The following MECOM variants were observed in gnomAD, a reference collection of about 807,000 sequenced individuals.
MECOM encodes the protein histone-lysine N-methyltransferase MECOM.
In MECOM, 13 loss-of-function variants were observed where a neutral mutation model predicts 116.3. The observed-to-expected ratio is 0.11, with a 90% CI of 0.07 to 0.18. The LOEUF (loss-of-function observed/expected upper bound fraction) is 0.18, where lower values mean the gene tolerates loss of function less well. Among genes scored for constraint, MECOM ranks in the 10% least tolerant of loss-of-function variants. The pLI is 1.00. For missense variants in MECOM, 1,299 were observed against 1,509.0 expected (o/e 0.86, Z 2.31); for synonymous variants, 528 against 535.2 (o/e 0.99, Z 0.19).
rs1736619292 is a variant in MECOM at position 169,405,879 on chromosome 3, C to T, written c.38-24355G>A. The stretch of plus-strand genomic sequence containing the variant: ...GCATATGGAAATGAATTTAATTGAA[C>T]AAGGGTAAGGAGAAGGGGTTGAAGC... On this transcript the variant is annotated intron_variant, in intron 1 of 16. Coordinates refer to ENST00000651503, the MANE Select transcript of MECOM (RefSeq NM_004991.4). Among the ~76,000 whole-genome samples, 12 of 152,078 alleles carry T rather than the reference C, an allele frequency of 7.9e-5. 2 individuals carry two copies. The highest frequency in any genetic ancestry group is 7.9e-4 in the Admixed American group (12 of 15,266).
chr3:169,312,690 T>A (rs1274952036), intron 2 of MECOM, among the ~76,000 whole-genome samples: 1 of 152,188 alleles, frequency 6.6e-6, no homozygotes, highest in African/African-American at 2.4e-5. Flanking sequence ...CTCCAATTTT[T>A]TTTTACCTGA....
intron 1 of MECOM, among the ~76,000 whole-genome samples, chr3:169,433,521 A>AACAG (rs1208688560): frequency 8.0e-5 from 12 of 150,718 alleles, no homozygotes; most frequent in African/African-American, 2.9e-4. Context: ...AAGAAAGACA[A>AACAG]ACAGACAGAC....
intron 2 of MECOM, among the ~76,000 whole-genome samples, chr3:169,373,727 G>A (rs144448082): frequency 1.2e-3 from 179 of 152,030 alleles, no homozygotes; most frequent in African/African-American, 3.6e-3. Context: ...CATTCAATTG[G>A]AGTAGTTTCC....
At chr3:169,438,781 A>G (rs910474175) in intron 1 of MECOM, among the ~76,000 whole-genome samples, 1 of 152,204 alleles carries the variant, frequency 6.6e-6, no homozygotes, top group Non-Finnish European at 1.5e-5. Flanking sequence ...TGTTCGATCC[A>G]ATCATTTAAA....
chr3:169,472,920 A>G (rs1425812319), intron 1 of MECOM: 1 of 960,320 alleles, frequency 1.0e-6, no homozygotes, highest in African/African-American at 1.8e-5. Context: ...TCTAAAAATC[A>G]ATCAAAATAT....
chr3:169,090,247 C>T lies in MECOM; in HGVS notation c.3165-11G>A. 2 of 1,579,900 alleles carry T rather than the reference C, an allele frequency of 1.3e-6. No homozygotes were observed. The highest frequency in any genetic ancestry group is 1.7e-6 in the Non-Finnish European group (2 of 1,169,136). On this transcript the variant is annotated splice_polypyrimidine_tract_variant and intron_variant, in intron 14 of 16. Coordinates refer to ENST00000651503, the MANE Select transcript of MECOM (RefSeq NM_004991.4). ...TGACTGCCATTCATTCTTTCAAAAG[C>T]ATTAAAAAAAAAGTCCAATTGTTGG...
At chr3:169,113,481 T>G (rs1728111552) in intron 8 of MECOM, among the ~76,000 whole-genome samples, 1 of 151,298 alleles carries the variant, frequency 6.6e-6, no homozygotes, top group Non-Finnish European at 1.5e-5. Flanking sequence ...GAATATATGC[T>G]CTTTGGATGC....
intron 2 of MECOM, among the ~76,000 whole-genome samples, chr3:169,319,259 T>A (rs968605844): frequency 6.6e-6 from 1 of 152,066 alleles, no homozygotes; most frequent in African/African-American, 2.4e-5. Context: ...AAAGGATGAG[T>A]TCATGTCCTT....
intron 1 of MECOM, among the ~76,000 whole-genome samples, chr3:169,405,884 G>A (rs907778343): frequency 1.3e-5 from 2 of 152,204 alleles, no homozygotes; most frequent in Non-Finnish European, 2.9e-5. Context: ...TTGAACAAGG[G>A]TAAGGAGAAG....
chr3:169,311,724 C>A (rs1439556045), intron 2 of MECOM, among the ~76,000 whole-genome samples: 2 of 151,576 alleles, frequency 1.3e-5, no homozygotes, highest in African/African-American at 2.4e-5. Context: ...TTACCTTTCT[C>A]TAAATTTTTA....
chr3:169,582,682 A>C (rs1377777741), intron 1 of MECOM, among the ~76,000 whole-genome samples: 1 of 152,194 alleles, frequency 6.6e-6, no homozygotes, highest in African/African-American at 2.4e-5. Flanking sequence ...CTGATGTTTC[A>C]TCCTTTCACC....
intron 1 of MECOM, among the ~76,000 whole-genome samples, chr3:169,560,512 C>A (rs2109360252): frequency 6.6e-6 from 1 of 152,206 alleles, no homozygotes; most frequent in South Asian, 2.1e-4. Context: ...AACCTGACTT[C>A]TGTGAACTTA....
chr3:169,189,516 A>G (rs770210552), intron 2 of MECOM, among the ~76,000 whole-genome samples: 11 of 152,044 alleles, frequency 7.2e-5, no homozygotes, highest in Non-Finnish European at 1.3e-4. Context: ...TGGCCCAACA[A>G]AGACAAATAT....
intron 1 of MECOM, among the ~76,000 whole-genome samples, chr3:169,634,364 A>G (rs1038845867): frequency 1.3e-5 from 2 of 152,184 alleles, no homozygotes; most frequent in African/African-American, 4.8e-5. Context: ...ATGCCCCAGT[A>G]AATTTTTTTA....
intron 2 of MECOM, among the ~76,000 whole-genome samples, chr3:169,264,163 G>C (rs1757983252): frequency 6.6e-6 from 1 of 152,092 alleles, no homozygotes. Flanking sequence ...AAATTCCTGG[G>C]GGAAAATTGA....
At chr3:169,264,236 G>A (rs1485662394) in intron 2 of MECOM, among the ~76,000 whole-genome samples, 1 of 152,062 alleles carries the variant, frequency 6.6e-6, no homozygotes, top group Non-Finnish European at 1.5e-5. Flanking sequence ...AATTGGTGGT[G>A]GTGGTTTATT....
At chr3:169,136,930 C>T (rs1021783484) in intron 3 of MECOM, among the ~76,000 whole-genome samples, 8 of 151,942 alleles carry the variant, frequency 5.3e-5, no homozygotes, top group South Asian at 4.2e-4. Flanking sequence ...ATGACAGAAG[C>T]GTGAATTATG....
intron 1 of MECOM, among the ~76,000 whole-genome samples, chr3:169,533,191 C>A (rs947868872): frequency 6.6e-6 from 1 of 152,122 alleles, no homozygotes; most frequent in African/African-American, 2.4e-5. Flanking sequence ...TCACATTTGG[C>A]CCTTCACTGA....
At chr3:169,239,394 T>C (rs1045187417) in intron 2 of MECOM, among the ~76,000 whole-genome samples, 2 of 151,974 alleles carry the variant, frequency 1.3e-5, no homozygotes, top group Non-Finnish European at 2.9e-5. Flanking sequence ...ATACAGGAAT[T>C]ATTTTGTAGA....
Sources: gnomAD v4.1 joint callset for allele counts (sites outside exome capture counted in the v4.1 genomes callset) on GRCh38, gnomAD v4.1.1 for gene constraint, MANE v1.5 for transcripts, NCBI Gene and HGNC (gene_info 2026-07-23, HGNC 2026-07-21) for gene names.